HEATR6: variants seen among roughly 807,000 people sequenced by gnomAD.
The protein encoded by HEATR6 is HEAT repeat-containing protein 6.
Under a neutral mutation model 132.8 loss-of-function variants are expected in HEATR6, and 106 were observed. The ratio of observed to expected loss-of-function variants is 0.80; its 90% confidence interval spans 0.68 to 0.94. The LOEUF (loss-of-function observed/expected upper bound fraction) is 0.94. Among genes scored for constraint, HEATR6 ranks in the 40% least tolerant of loss-of-function variants. The probability of loss-of-function intolerance (pLI) is 0.00; values close to 1 mark genes in which losing one functional copy is unlikely to be tolerated. For synonymous variants in HEATR6, 529 were observed against 537.8 expected (o/e 0.98, Z 0.23); for missense variants, 1,339 against 1,425.1 (o/e 0.94, Z 0.97).
chr17:60,058,225 T>C (rs1906817908), intron 11 of HEATR6, among the ~76,000 whole-genome samples: 1 of 152,222 alleles, frequency 6.6e-6, no homozygotes, highest in South Asian at 2.1e-4. Flanking sequence ...CTTCACAATA[T>C]TGAGCCTTCC....
intron 16 of HEATR6, among the ~76,000 whole-genome samples, chr17:60,049,214 C>T (rs1002962621): frequency 1.3e-5 from 2 of 150,892 alleles, no homozygotes; most frequent in African/African-American, 4.9e-5. Context: ...TTACAACCTT[C>T]ACATCCCAGG....
intron 9 of HEATR6, among the ~76,000 whole-genome samples, chr17:60,061,067 G>A (rs1262783917): frequency 1.3e-5 from 2 of 152,082 alleles, no homozygotes; most frequent in East Asian, 1.9e-4. Context: ...CTATTAATAC[G>A]GAATAATATT....
In HEATR6 at chr17:60,067,749, A is replaced by G; in HGVS notation, c.940-17T>C. ...CTTTTTATTCTGATTGTGGGAGCAA[A>G]TGAAGACATATATAATAACTACTTC... is the stretch of plus-strand genomic sequence containing the variant. On this transcript the variant is annotated splice_polypyrimidine_tract_variant and intron_variant, in intron 7 of 19. Transcript: ENST00000184956. 1.3e-6 allele frequency: 2 copies of G among 1,594,072 alleles called. No homozygotes were observed. The highest frequency in any genetic ancestry group is 1.7e-6 in the Non-Finnish European group (2 of 1,169,366).
At chr17:60,055,444 T>A (rs534640958) in intron 14 of HEATR6, 71 bp downstream of exon 14, 2 of 986,664 alleles carry the variant, frequency 2.0e-6, no homozygotes. Context: ...ACTCCATTTA[T>A]CACTGAGCTT....
intron 1 of HEATR6, among the ~76,000 whole-genome samples, chr17:60,078,402 G>C (rs570086697): frequency 6.6e-6 from 1 of 152,222 alleles, no homozygotes; most frequent in South Asian, 2.1e-4. Context: ...GGTGCACAGA[G>C]AGGGAGTGAA....
intron 1 of HEATR6, among the ~76,000 whole-genome samples, chr17:60,077,649 C>T (rs1244471381): frequency 6.6e-6 from 1 of 152,176 alleles, no homozygotes; most frequent in Non-Finnish European, 1.5e-5. Flanking sequence ...TTTACCAATA[C>T]GTATTGAAGA....
intron 14 of HEATR6, among the ~76,000 whole-genome samples, chr17:60,052,835 G>A (rs1211045726): frequency 1.3e-5 from 2 of 152,128 alleles, no homozygotes; most frequent in East Asian, 1.9e-4. Flanking sequence ...GAATAGAATC[G>A]TGGAGGGGCT....
chr17:60,054,292 T>G (rs1869066699), intron 14 of HEATR6, among the ~76,000 whole-genome samples: 1 of 152,230 alleles, frequency 6.6e-6, no homozygotes, highest in Non-Finnish European at 1.5e-5. Flanking sequence ...GCTTGGGAGC[T>G]TCCACCTAGA....
intron 19 of HEATR6, among the ~76,000 whole-genome samples, chr17:60,045,714 T>C (rs890939339): frequency 6.6e-6 from 1 of 152,266 alleles, no homozygotes; most frequent in African/African-American, 2.4e-5. Context: ...TCAGTCTTTT[T>C]TCTACCCATC....
chr17:60,067,249 G>A (rs1208419428), intron 8 of HEATR6, among the ~76,000 whole-genome samples, 185 bp downstream of exon 8: 3 of 132,506 alleles, frequency 2.3e-5, no homozygotes, highest in East Asian at 2.1e-4. Context: ...CAGCCTGGGC[G>A]ACAGAGCGAG....
intron 11 of HEATR6, among the ~76,000 whole-genome samples, chr17:60,058,595 A>T (rs1456435348): frequency 6.6e-6 from 1 of 152,176 alleles, no homozygotes; most frequent in Admixed American, 6.5e-5. Flanking sequence ...AACTGGACTT[A>T]GTTACATCTC....
chr17:60,048,431 T>C (rs1337064180), intron 16 of HEATR6, 43 bp from the exon 17 acceptor site: 3 of 1,534,616 alleles, frequency 2.0e-6, no homozygotes, highest in South Asian at 2.5e-5. Flanking sequence ...TAGCAGGTCA[T>C]GCTGCTACCT....
chr17:60,078,125 TG>T (rs1294848951), intron 1 of HEATR6, among the ~76,000 whole-genome samples: 2 of 152,170 alleles, frequency 1.3e-5, no homozygotes, highest in Non-Finnish European at 2.9e-5. Flanking sequence ...CAGAAGGCCA[TG>T]GTGTCAACAG....
chr17:60,075,615 G>T (rs1430921528), intron 2 of HEATR6: 1 of 152,098 alleles, frequency 6.6e-6, no homozygotes, highest in African/African-American at 2.4e-5. Context: ...AAAAATATTG[G>T]TGGGAAAGAG....
chr17:60,052,235 C>T (rs1446106026), intron 14 of HEATR6, among the ~76,000 whole-genome samples: 1 of 152,218 alleles, frequency 6.6e-6, no homozygotes, highest in Admixed American at 6.5e-5. Context: ...TCTTGCAACC[C>T]GTCAGTTGAC....
At position 60,078,689 on chromosome 17, in the gene HEATR6, C is replaced by T. The variant is rs2083308754; in HGVS notation, c.219+7G>A. On this transcript the variant is annotated splice_region_variant and intron_variant, in intron 1 of 19. Coordinates refer to ENST00000184956, the MANE Select transcript of HEATR6 (RefSeq NM_022070.5). ...CGGGGCCGGGGCCAGCAGGGCGCGC[C>T]GCCTACCTCCGGGGCCACGCCACTG... 1 of 1,534,936 alleles carries T rather than the reference C, an allele frequency of 6.5e-7. No homozygotes were observed. The highest frequency in any genetic ancestry group is 8.8e-7 in the Non-Finnish European group (1 of 1,142,210).
intron 19 of HEATR6, among the ~76,000 whole-genome samples, chr17:60,044,736 G>A (rs1002190369): frequency 6.6e-6 from 1 of 152,128 alleles, no homozygotes; most frequent in African/African-American, 2.4e-5. Flanking sequence ...TCCACTTTGG[G>A]GTGTCCTTAC....
chr17:60,075,248 C>T (rs936143509), intron 2 of HEATR6, among the ~76,000 whole-genome samples: 1 of 152,210 alleles, frequency 6.6e-6, no homozygotes, highest in Admixed American at 6.5e-5. Flanking sequence ...GACATGCTAG[C>T]TGAGGATAAC....
At chr17:60,071,354 G>A (rs2083269147) in intron 5 of HEATR6, among the ~76,000 whole-genome samples, 1 of 152,178 alleles carries the variant, frequency 6.6e-6, no homozygotes, top group African/African-American at 2.4e-5. Context: ...GTTTGAAATA[G>A]TGGGAAAATT....
Sources: gnomAD v4.1 joint callset for allele counts (sites outside exome capture counted in the v4.1 genomes callset) on GRCh38, gnomAD v4.1.1 for gene constraint, MANE v1.5 for transcripts, NCBI Gene and HGNC (gene_info 2026-07-23, HGNC 2026-07-21) for gene names.